Variants in IL1RAPL2 observed in about 807,000 individuals in gnomAD.
IL1RAPL2 encodes X-linked interleukin-1 receptor accessory protein-like 2.
A neutral mutation model predicts 44.1 loss-of-function variants in IL1RAPL2; 3 were observed. The ratio of observed to expected loss-of-function variants is 0.07; its 90% confidence interval spans 0.03 to 0.18. IL1RAPL2 has a LOEUF of 0.18. Among genes scored for constraint, IL1RAPL2 ranks in the 10% least tolerant of loss-of-function variants. The probability of loss-of-function intolerance (pLI) is 1.00; values close to 1 mark genes in which losing one functional copy is unlikely to be tolerated. For missense variants in IL1RAPL2, 391 were observed against 496.4 expected (o/e 0.79, Z 2.02); for synonymous variants, 181 against 178.8 (o/e 1.01, Z -0.10).
At chrX:104,939,528 G>A (rs780930830) in intron 2 of IL1RAPL2, among the ~76,000 whole-genome samples, 2 of 111,750 alleles carry the variant, frequency 1.8e-5, no homozygotes, top group South Asian at 7.4e-4. Flanking sequence ...TAAGAAAGAG[G>A]TGAAAAATAA....
chrX:105,676,125 T>A (rs1461315035), intron 6 of IL1RAPL2: 1 of 111,736 alleles, frequency 8.9e-6, no homozygotes, highest in African/African-American at 3.2e-5. Context: ...GGGGCCATGC[T>A]AATCTTCTCT....
chrX:104,868,049 T>C (rs1174298357), intron 2 of IL1RAPL2, among the ~76,000 whole-genome samples: 1 of 111,339 alleles, frequency 9.0e-6, no homozygotes, highest in Non-Finnish European at 1.9e-5. Flanking sequence ...AAAATCACTT[T>C]GCTGCAGTGT....
chrX:105,749,053 A>G lies in IL1RAPL2; in HGVS notation c.1142A>G (p.Glu381Gly). ...GTCATTTACAAATGCTACAACATTG[A>G]ATTGATGCTCTTCTACAGGCAGCAC... Reference protein sequence around the residue: ...LVVIYKCYNIELMLFYRQHFG... With the variant: ...LVVIYKCYNIGLMLFYRQHFG... Residue 381 changes from glutamate to glycine, a missense_variant, in exon 9 of 11, where the codon GAA becomes GGA. This residue lies in a region of IL1RAPL2 where 232 missense variants were observed against 244.8 expected (regional missense o/e 0.95). Coordinates refer to ENST00000372582, the MANE Select transcript of IL1RAPL2 (RefSeq NM_017416.2). 1 of 1,209,512 alleles carries G rather than the reference A, an allele frequency of 8.3e-7. No individual in the cohort carries two copies. The highest frequency in any genetic ancestry group is 1.1e-6 in the Non-Finnish European group (1 of 893,738).
At chrX:104,879,943 A>C (rs899572581) in intron 2 of IL1RAPL2, among the ~76,000 whole-genome samples, 1 of 111,455 alleles carries the variant, frequency 9.0e-6, no homozygotes, top group Non-Finnish European at 1.9e-5. Flanking sequence ...GTAGCCAAGT[A>C]GGATGGCCAA....
intron 2 of IL1RAPL2, among the ~76,000 whole-genome samples, chrX:104,896,674 A>C (rs1481013755): frequency 2.7e-5 from 3 of 111,999 alleles, no homozygotes; most frequent in Non-Finnish European, 3.8e-5. Flanking sequence ...AGATAAGGGA[A>C]TAAAAGCTGG....
intron 2 of IL1RAPL2, among the ~76,000 whole-genome samples, chrX:104,795,467 A>G (rs1215256390): frequency 9.2e-6 from 1 of 108,733 alleles, no homozygotes; most frequent in Non-Finnish European, 1.9e-5. Flanking sequence ...GCAAATCTCA[A>G]TTCCTCAAAA....
intron 5 of IL1RAPL2, among the ~76,000 whole-genome samples, chrX:105,444,227 A>G (rs772363457): frequency 8.9e-6 from 1 of 111,734 alleles, no homozygotes; most frequent in East Asian, 2.8e-4. Context: ...AACACCTTAT[A>G]TATTCTGGTT....
At chrX:104,788,779 T>TA (rs1932811686) in intron 2 of IL1RAPL2, among the ~76,000 whole-genome samples, 1 of 111,638 alleles carries the variant, frequency 9.0e-6, no homozygotes, top group Non-Finnish European at 1.9e-5. Flanking sequence ...AACCAGTAAT[T>TA]TTTATTAATA....
chrX:104,674,864 A>G (rs954412107), intron 2 of IL1RAPL2, among the ~76,000 whole-genome samples: 27 of 111,885 alleles, frequency 2.4e-4, no homozygotes, highest in African/African-American at 8.5e-4. Flanking sequence ...ATTTCTTCAT[A>G]GATTTTCTAG....
At chrX:104,693,573 C>T (rs973476509) in intron 2 of IL1RAPL2, among the ~76,000 whole-genome samples, 4 of 111,920 alleles carry the variant, frequency 3.6e-5, no homozygotes, top group Admixed American at 9.5e-5. Context: ...CGGACTGCCA[C>T]ACGGTGATAA....
intron 2 of IL1RAPL2, among the ~76,000 whole-genome samples, chrX:104,895,624 AC>A (rs1213346693): frequency 8.9e-6 from 1 of 112,163 alleles, no homozygotes; most frequent in Non-Finnish European, 1.9e-5. Flanking sequence ...ATTTGCTAAG[AC>A]TGTTGGAATA....
chrX:105,434,111 A>G (rs745821877), intron 5 of IL1RAPL2, among the ~76,000 whole-genome samples: 48 of 112,108 alleles, frequency 4.3e-4, no homozygotes, highest in Non-Finnish European at 8.8e-4. Context: ...ATGCTAAATA[A>G]GCGCATGAAA....
chrX:104,658,289 A>C (rs1434035024), intron 1 of IL1RAPL2, among the ~76,000 whole-genome samples: 1 of 112,285 alleles, frequency 8.9e-6, no homozygotes, highest in Non-Finnish European at 1.9e-5. Flanking sequence ...GCAGCCATAT[A>C]AAAGGATGAG....
intron 5 of IL1RAPL2, among the ~76,000 whole-genome samples, chrX:105,311,645 T>C (rs187441180): frequency 0.041 from 3,807 of 93,629 alleles, 187 homozygotes; most frequent in African/African-American, 0.15. Context: ...CACACACATA[T>C]ATATATATAT....
At chrX:104,730,622 T>A (rs987095495) in intron 2 of IL1RAPL2, among the ~76,000 whole-genome samples, 4 of 104,111 alleles carry the variant, frequency 3.8e-5, no homozygotes, top group Admixed American at 1.0e-4. Flanking sequence ...CAGTCTATCA[T>A]CGTTGGACAT....
At chrX:105,525,018 A>G (rs906859568) in intron 6 of IL1RAPL2, among the ~76,000 whole-genome samples, 2 of 111,778 alleles carry the variant, frequency 1.8e-5, no homozygotes, top group South Asian at 3.7e-4. Context: ...TTTTTTCCAA[A>G]TAAACATTCT....
Position 105,206,165 on chromosome X carries a change from T to C in IL1RAPL2, c.356+10417T>C, listed in dbSNP as rs898459448. Reference sequence around the variant, plus strand: ...AGATCATAGTACCTACCTCAGAGAATGTTGATGAGCACTTATCACCAATAC... The same window carrying C: ...AGATCATAGTACCTACCTCAGAGAACGTTGATGAGCACTTATCACCAATAC... On this transcript the variant is annotated intron_variant, in intron 3 of 10. Transcript: ENST00000372582. Among the ~76,000 whole-genome samples, 6 of 111,527 alleles carry C rather than the reference T, an allele frequency of 5.4e-5. No individual in the cohort carries two copies. In the Admixed American group the frequency reaches 5.7e-4, roughly 11 times the overall value.
At chrX:105,455,311 A>G (rs766035381) in intron 5 of IL1RAPL2, among the ~76,000 whole-genome samples, 1 of 112,035 alleles carries the variant, frequency 8.9e-6, no homozygotes, top group East Asian at 2.8e-4. Context: ...TTTGTGCAGA[A>G]GCTCTCTAAT....
At chrX:105,183,147 G>T (rs2033550345) in intron 2 of IL1RAPL2, among the ~76,000 whole-genome samples, 2 of 111,315 alleles carry the variant, frequency 1.8e-5, no homozygotes, top group Non-Finnish European at 3.8e-5. Context: ...GATAGGCAGG[G>T]CAGGATGACC....
Sources: gnomAD v4.1 joint callset for allele counts (sites outside exome capture counted in the v4.1 genomes callset) on GRCh38, gnomAD v4.1.1 for gene constraint, gnomAD v4.1.1 regional missense constraint, MANE v1.5 for transcripts, NCBI Gene and HGNC (gene_info 2026-07-23, HGNC 2026-07-21) for gene names.